Variants in USP47 observed in about 807,000 individuals in gnomAD.
The protein encoded by USP47 is ubiquitin specific peptidase 47.
In USP47, 35 loss-of-function variants were observed where a neutral mutation model predicts 165.1. The observed-to-expected ratio is 0.21, with a 90% CI of 0.16 to 0.28. The LOEUF (loss-of-function observed/expected upper bound fraction) is 0.28. Ranked by LOEUF, USP47 falls within the 10% of genes least tolerant of loss-of-function variation. The pLI is 1.00. For synonymous variants in USP47, 531 were observed against 544.5 expected (o/e 0.98, Z 0.35); for missense variants, 1,277 against 1,607.4 (o/e 0.79, Z 3.52).
At position 11,950,321 on chromosome 11, in the gene USP47, G is replaced by A. The variant is rs775004762; in HGVS notation, c.3465-43G>A. 1.3e-5 allele frequency: 17 copies of A among 1,351,038 alleles called. No individual in the cohort carries two copies. The East Asian group carries it at 3.4e-4, about 27-fold the overall frequency. 83.7% of individuals were successfully genotyped at this position (1,351,038 alleles called of 1,614,324 possible). On this transcript the variant is annotated intron_variant, in intron 23 of 27. Coordinates refer to ENST00000527733, the MANE Select transcript of USP47 (RefSeq NM_001282659.2). ...ATTAGTGTCAATCTTTAAATTGAGA[G>A]TTTCAAATTATAGTCGTTTTAAATG...
In USP47 at chr11:11,961,144, CTCTT is replaced by C. The variant is rs761271752; in HGVS notation, c.*4973_*4976del. The stretch of plus-strand genomic sequence containing the variant: ...CTCCTCAATGTCAAGGACTCAAAGA[CTCTT>C]TCTGTGGTAGGGCCACATCCTAAAC... On this transcript the variant is annotated 3_prime_UTR_variant, in exon 28 of 28. Coordinates refer to ENST00000527733, the MANE Select transcript of USP47 (RefSeq NM_001282659.2). Among the ~76,000 whole-genome samples the C allele has an allele frequency of 6.6e-6, 1 of 152,232 alleles. No homozygotes were observed. Among genetic ancestry groups the C allele is most frequent in the Non-Finnish European group, 1.5e-5 (1 of 68,042 alleles).
chr11:11,950,322 T>A, intron 23 of USP47, 42 bp from the exon 24 acceptor site: 4 of 1,364,978 alleles, frequency 2.9e-6, no homozygotes, highest in Non-Finnish European at 4.0e-6. Flanking sequence ...AAATTGAGAG[T>A]TTCAAATTAT....
intron 25 of USP47, among the ~76,000 whole-genome samples, chr11:11,953,878 T>A (rs564432644): frequency 2.6e-5 from 4 of 152,220 alleles, no homozygotes; most frequent in African/African-American, 9.6e-5. Flanking sequence ...TAAATTGATA[T>A]GATTTTTTTC....
rs114647392 is a variant in USP47, at chr11:11,867,416, A to G, written c.40-12761A>G. Among the ~76,000 whole-genome samples, 864 of 152,134 alleles carry G rather than the reference A, an allele frequency of 5.7e-3. 7 individuals are homozygous for G. The highest frequency in any genetic ancestry group is 0.018 in the African/African-American group (755 of 41,500). ...TAATGCTCTAATGTTTTACATCTCT[A>G]TGTCACTAGAAGTTTAGAAAATGTC... On this transcript the variant is annotated intron_variant, in intron 1 of 27. Transcript: ENST00000527733.
At chr11:11,910,945 T>C (rs976641837) in intron 8 of USP47, among the ~76,000 whole-genome samples, 38 of 152,300 alleles carry the variant, frequency 2.5e-4, no homozygotes, top group African/African-American at 8.2e-4. Context: ...AATTATTTGA[T>C]AAATATTTTA....
At chr11:11,947,894 G>A (rs576355156) in intron 20 of USP47, 51 bp from the exon 21 acceptor site, 1 of 1,524,806 alleles carries the variant, frequency 6.6e-7, no homozygotes, top group South Asian at 1.2e-5. Context: ...TTTATACTCA[G>A]AGGTTTCTTT....
chr11:11,936,401 A>G lies in USP47; in HGVS notation c.1968A>G (p.Glu656=). The G allele has an allele frequency of 6.2e-7, 1 of 1,610,890 alleles. No individual in the cohort carries two copies. The change falls in exon 17 of 28, where the codon GAA becomes GAG. Residue 656 remains glutamate, a synonymous_variant. Coordinates refer to ENST00000527733, the MANE Select transcript of USP47 (RefSeq NM_001282659.2). ...TAGAACGGTCATATGAAGGAGAAGA[A>G]GATACACCAATGGGGCTTCTACTAG... ...DYLERSYEGE[E]DTPMGLLLGG... is the part of the protein sequence containing the mutation.
chr11:11,920,223 G>C lies in USP47; in HGVS notation c.1037G>C (p.Arg346Pro), dbSNP rs542320696. Residue 346 changes from arginine (R) to proline (P), a missense_variant, in exon 9 of 28, where the codon CGT becomes CCT. By Grantham distance (103) the Arg-to-Pro change is moderately radical. This residue lies in a region of USP47 where 175 missense variants were observed against 295.8 expected (regional missense o/e 0.59). Transcript: ENST00000527733. ...GGCCCAAATCAGTATTTTTGTGAAC[G>C]TTGTAAGAAGAAGTGTGATGCACGG... The part of the protein sequence containing the change: ...LDGPNQYFCE[R>P]CKKKCDARKG... 1.2e-5 allele frequency: 19 copies of C among 1,609,102 alleles called. No homozygotes were observed. In the South Asian group the frequency reaches 2.0e-4, roughly 17 times the overall value.
At chr11:11,912,224 G>A (rs1043290928) in intron 8 of USP47, among the ~76,000 whole-genome samples, 4 of 151,646 alleles carry the variant, frequency 2.6e-5, no homozygotes, top group Non-Finnish European at 5.9e-5. Flanking sequence ...AAGAAAAGCC[G>A]AGAAATCAGT....
chr11:11,884,607 T>G, intron 3 of USP47, 27 bp downstream of exon 3: 1 of 1,557,796 alleles, frequency 6.4e-7, no homozygotes, highest in Non-Finnish European at 8.7e-7. Context: ...GCCCCATATT[T>G]ATAATTTTTG....
At chr11:11,890,250 C>T (rs1443588138) in intron 3 of USP47, among the ~76,000 whole-genome samples, 2 of 152,120 alleles carry the variant, frequency 1.3e-5, no homozygotes, top group African/African-American at 4.8e-5. Flanking sequence ...AAACTATCAT[C>T]AGAATGACCA....
At chr11:11,932,915 G>A in intron 14 of USP47, 89 bp from the exon 15 acceptor site, 1 of 913,822 alleles carries the variant, frequency 1.1e-6, no homozygotes. Flanking sequence ...TACAGTAGAA[G>A]TATATACCAT....
intron 24 of USP47, 71 bp from the exon 25 acceptor site, chr11:11,952,670 C>T: frequency 4.3e-6 from 6 of 1,392,686 alleles, no homozygotes; most frequent in Non-Finnish European, 4.7e-6. Flanking sequence ...TTTAGTAAGG[C>T]ACTAAGGGAA....
chr11:11,887,847 G>A (rs1437136505), intron 3 of USP47, among the ~76,000 whole-genome samples: 2 of 152,046 alleles, frequency 1.3e-5, no homozygotes, highest in Non-Finnish European at 2.9e-5. Flanking sequence ...CTCAGCAAAT[G>A]CAAAAGAACT....
chr11:11,923,417 C>T (rs955977939), intron 11 of USP47, among the ~76,000 whole-genome samples: 28 of 151,984 alleles, frequency 1.8e-4, no homozygotes, highest in African/African-American at 2.2e-4. Flanking sequence ...CCCTGTCCTG[C>T]GATAGTCCTC....
chr11:11,863,795 C>A (rs1165876128), intron 1 of USP47, among the ~76,000 whole-genome samples: 10 of 151,948 alleles, frequency 6.6e-5, no homozygotes, highest in African/African-American at 2.4e-4. Context: ...CACATTTGGC[C>A]AGTGCGAGCC....
At chr11:11,898,849 A>G (rs777182990) in intron 5 of USP47, among the ~76,000 whole-genome samples, 3 of 152,220 alleles carry the variant, frequency 2.0e-5, no homozygotes, top group Admixed American at 6.5e-5. Flanking sequence ...GTGAAAGTGA[A>G]TAATAGGAAG....
intron 13 of USP47, among the ~76,000 whole-genome samples, chr11:11,930,389 T>C (rs553814324): frequency 2.6e-5 from 4 of 152,188 alleles, no homozygotes; most frequent in African/African-American, 7.2e-5. Flanking sequence ...ATTTTTACTA[T>C]TTGGTCCTTG....
intron 5 of USP47, among the ~76,000 whole-genome samples, chr11:11,899,686 A>G (rs1474051791): frequency 6.6e-6 from 1 of 152,172 alleles, no homozygotes; most frequent in Non-Finnish European, 1.5e-5. Context: ...ATAAGAAGCC[A>G]GAAGTGTAAA....
Sources: gnomAD v4.1 joint callset for allele counts (sites outside exome capture counted in the v4.1 genomes callset) on GRCh38, gnomAD v4.1.1 for gene constraint, gnomAD v4.1.1 regional missense constraint, MANE v1.5 for transcripts, NCBI Gene and HGNC (gene_info 2026-07-23, HGNC 2026-07-21) for gene names.